The following CDC25C variants were observed in gnomAD, a reference collection of about 807,000 sequenced individuals.
CDC25C encodes the protein cell division cycle 25C.
A neutral mutation model predicts 52.5 loss-of-function variants in CDC25C; 48 were observed. The observed-to-expected ratio is 0.91, with a 90% CI of 0.72 to 1.16. The LOEUF (loss-of-function observed/expected upper bound fraction) is 1.16. Ranked by LOEUF, CDC25C falls within the 50% of genes most tolerant of loss-of-function variation. The pLI, the probability that CDC25C is intolerant of heterozygous loss-of-function variation, is 0.00. For missense variants in CDC25C, 510 were observed against 566.1 expected (o/e 0.90, Z 1.01); for synonymous variants, 187 against 206.5 (o/e 0.91, Z 0.81).
At chr5:138,296,666 C>A (rs1175875875) in intron 7 of CDC25C, among the ~76,000 whole-genome samples, 4 of 149,798 alleles carry the variant, frequency 2.7e-5, no homozygotes, top group Non-Finnish European at 5.9e-5. Flanking sequence ...AATGCAGTGG[C>A]GCGATCTCGG....
intron 7 of CDC25C, among the ~76,000 whole-genome samples, chr5:138,295,848 C>A (rs755480780): frequency 5.4e-4 from 82 of 152,080 alleles, no homozygotes; most frequent in Non-Finnish European, 1.1e-3. Flanking sequence ...CATTTTCAAT[C>A]TTTAAGGAAT....
At chr5:138,334,393 T>G (rs1219935010), upstream of CDC25C, among the ~76,000 whole-genome samples, 1 of 152,064 alleles carries the variant, frequency 6.6e-6, no homozygotes, top group Non-Finnish European at 1.5e-5. Flanking sequence ...ACAGTTTCTT[T>G]CTTGTTGCCT....
At chr5:138,333,265 T>C (rs1488391192), upstream of CDC25C, among the ~76,000 whole-genome samples, 1 of 152,176 alleles carries the variant, frequency 6.6e-6, no homozygotes, top group African/African-American at 2.4e-5. Context: ...AGTGGGGTCA[T>C]TATCAAGGCC....
intron 1 of CDC25C, chr5:138,337,892 C>T (rs1158596467): frequency 2.5e-6 from 3 of 1,184,332 alleles, no homozygotes; most frequent in Non-Finnish European, 3.3e-6. Flanking sequence ...GCGGCCCGAA[C>T]CGAGTGGGAG....
chr5:138,291,335 T>C (rs1756689919), intron 8 of CDC25C, among the ~76,000 whole-genome samples: 1 of 151,952 alleles, frequency 6.6e-6, no homozygotes, highest in Non-Finnish European at 1.5e-5. Context: ...AAAACAGCAG[T>C]AAAATATCCA....
chr5:138,321,379 A>G (rs1374474099), intron 6 of CDC25C, among the ~76,000 whole-genome samples: 1 of 152,172 alleles, frequency 6.6e-6, no homozygotes, highest in South Asian at 2.1e-4. Context: ...ATTAAAAAAA[A>G]TCACATATAA....
Position 138,285,752 on chromosome 5 carries a change from C to T in CDC25C, c.1362G>A (p.Gln454=), listed in dbSNP as rs534895333. 13 of 1,614,248 alleles carry T rather than the reference C, an allele frequency of 8.1e-6. No homozygotes were observed. In the South Asian group the frequency reaches 1.3e-4, roughly 16 times the overall value. Residue 454 remains glutamine (Q), a synonymous_variant, in exon 14 of 14, where the codon CAG becomes CAA. Transcript: ENST00000323760. The part of the protein sequence containing the change: ...LLRCRSQSKV[Q]EGERQLREQI... ...GCTCCCGCAGCTGCCGCTCCCCTTC[C>T]TGCACTTTGCTCTGGCTTCGACACC...
At chr5:138,289,768 T>C (rs1279134493) in intron 9 of CDC25C, among the ~76,000 whole-genome samples, 1 of 152,096 alleles carries the variant, frequency 6.6e-6, no homozygotes, top group Non-Finnish European at 1.5e-5. Flanking sequence ...GTACGAAGTT[T>C]TAGATTTCTC....
At chr5:138,338,193 C>T (rs1165849853) in exon 1 of CDC25C, 1 of 1,285,532 alleles carries the variant, frequency 7.8e-7, no homozygotes, top group Non-Finnish European at 1.0e-6. Flanking sequence ...GGAGCTGTCC[C>T]CCTACTCTCC....
At position 138,287,198 on chromosome 5, in the gene CDC25C, G is replaced by T; in HGVS notation, c.997C>A (p.Pro333Thr). The stretch of plus-strand genomic sequence containing the variant: ...ATGTGTCCTCCCAGATACTCATATG[G>T]ATAGCGACAATCAATGACATAAAAC... ...EKFYVIDCRY[P>T]YEYLGGHIQG... The change falls in exon 11 of 14, where the codon CCA becomes ACA. Residue 333 changes from proline to threonine, a missense_variant. Coordinates refer to ENST00000323760, the MANE Select transcript of CDC25C (RefSeq NM_001790.5). 6.2e-7 allele frequency: 1 copy of T among 1,613,892 alleles called. No individual in the cohort carries two copies. The highest frequency in any genetic ancestry group is 8.5e-7 in the Non-Finnish European group (1 of 1,179,880).
At chr5:138,308,932 C>T (rs1758235782) in intron 7 of CDC25C, among the ~76,000 whole-genome samples, 1 of 151,874 alleles carries the variant, frequency 6.6e-6, no homozygotes. Flanking sequence ...CAAAGGGAGA[C>T]AACAGTCATA....
At chr5:138,338,190 TCCC>T (rs1760853360) in exon 1 of CDC25C, 1 of 1,285,116 alleles carries the variant, frequency 7.8e-7, no homozygotes, top group African/African-American at 1.5e-5. Flanking sequence ...GCCGGAGCTG[TCCC>T]CCTACTCTCC....
At chr5:138,293,837 G>C (rs928592443) in intron 7 of CDC25C, among the ~76,000 whole-genome samples, 3 of 151,636 alleles carry the variant, frequency 2.0e-5, no homozygotes, top group African/African-American at 7.3e-5. Context: ...TATAGAGAGA[G>C]GGTTTTACCA....
chr5:138,286,028 T>C lies in CDC25C; in HGVS notation c.1266A>G (p.Glu422=), dbSNP rs964798484. ...LKGGYRDFFP[E]YMELCEPQSY... is the part of the protein sequence containing the mutation. ...CGCATGCCCCACCCTTTACCATATATTCTGGAAAGAAGTCTCTGTAGCCGC... is the reference window on the plus strand; with the variant it reads ...CGCATGCCCCACCCTTTACCATATACTCTGGAAAGAAGTCTCTGTAGCCGC... The change falls in exon 13 of 14, where the codon GAA becomes GAG. Residue 422 remains glutamate, a synonymous_variant. Coordinates refer to ENST00000323760, the MANE Select transcript of CDC25C (RefSeq NM_001790.5). The C allele has an allele frequency of 1.2e-6, 2 of 1,611,458 alleles. No individual in the cohort carries two copies. Among genetic ancestry groups the C allele is most frequent in the Middle Eastern group, 1.7e-4 (1 of 6,052 alleles).
intron 10 of CDC25C, among the ~76,000 whole-genome samples, chr5:138,289,054 A>C (rs927179368): frequency 6.6e-6 from 1 of 152,108 alleles, no homozygotes; most frequent in Non-Finnish European, 1.5e-5. Flanking sequence ...AACCTCCCCA[A>C]CTGGGGTTCA....
At position 138,287,074 on chromosome 5, in the gene CDC25C, G is replaced by C. The variant is rs1022235485; in HGVS notation, c.1026+95C>G. On this transcript the variant is annotated intron_variant, in intron 11 of 13. Coordinates refer to ENST00000323760, the MANE Select transcript of CDC25C (RefSeq NM_001790.5). ...GCTTCAAATATGTAATCTTTGTCCTGACTCTAGAGTTCATAGACCCCTTTG... is the reference window on the plus strand; with the variant it reads ...GCTTCAAATATGTAATCTTTGTCCTCACTCTAGAGTTCATAGACCCCTTTG... The C allele has an allele frequency of 1.2e-5, 9 of 782,020 alleles. No individual in the cohort carries two copies. The African/African-American group carries it at 1.5e-4, about 13-fold the overall frequency. The allele number at this position is 782,020 out of a possible 1,614,324, so 48.4% of individuals were successfully genotyped here. A position where few individuals can be genotyped will look rare whatever the true frequency, so the allele number is the denominator to read the frequency against.
At chr5:138,332,050 C>G (rs1419826283), upstream of CDC25C, 4 of 259,900 alleles carry the variant, frequency 1.5e-5, no homozygotes, top group African/African-American at 2.3e-5. Flanking sequence ...GTAAGCTCCG[C>G]CTCACGGGGA....
At chr5:138,313,995 C>CTTTCTTTCTTTCTTTCTTTTTCT (rs1554117939) in intron 7 of CDC25C, among the ~76,000 whole-genome samples, 1 of 112,676 alleles carries the variant, frequency 8.9e-6, no homozygotes, top group Non-Finnish European at 1.8e-5. Flanking sequence ...TTCTTTCTTT[C>CTTTCTTTCTTTCTTTCTTTTTCT]TTTTTTTTTT....
chr5:138,297,336 T>C (rs1308240124), intron 7 of CDC25C, among the ~76,000 whole-genome samples: 2 of 152,106 alleles, frequency 1.3e-5, no homozygotes, highest in Non-Finnish European at 2.9e-5. Context: ...GCTAGGATTA[T>C]AGGCATGAGC....
Sources: allele counts gnomAD v4.1 joint callset (sites outside exome capture counted in the v4.1 genomes callset), GRCh38; gene constraint gnomAD v4.1.1; transcripts MANE v1.5; gene names NCBI Gene and HGNC (gene_info 2026-07-23, HGNC 2026-07-21).